Variants in MTHFD2L observed in about 807,000 individuals in gnomAD.
MTHFD2L encodes the protein bifunctional methylenetetrahydrofolate dehydrogenase/cyclohydrolase 2, mitochondrial.
A neutral mutation model predicts 34.9 loss-of-function variants in MTHFD2L; 29 were observed. That is an observed-to-expected ratio of 0.83 (90% CI 0.62 to 1.13). The LOEUF is 1.13. Among genes scored for constraint, MTHFD2L ranks in the 50% most tolerant of loss-of-function variants. MTHFD2L has a pLI of 0.00. For synonymous variants in MTHFD2L, 167 were observed against 155.7 expected (o/e 1.07, Z -0.54); for missense variants, 481 against 446.5 (o/e 1.08, Z -0.70).
chr4:74,260,303 G>C (rs903520495), intron 6 of MTHFD2L, among the ~76,000 whole-genome samples: 1 of 152,080 alleles, frequency 6.6e-6, no homozygotes, highest in African/African-American at 2.4e-5. Context: ...GTCAGCCCCC[G>C]GCTGTGAATC....
At chr4:74,117,107 A>G (rs948166739) in intron 2 of MTHFD2L, among the ~76,000 whole-genome samples, 2 of 152,192 alleles carry the variant, frequency 1.3e-5, no homozygotes, top group Non-Finnish European at 2.9e-5. Flanking sequence ...AAGGGATTTT[A>G]AAGGGAGATT....
intron 1 of MTHFD2L, among the ~76,000 whole-genome samples, chr4:74,151,250 C>T (rs927415294): frequency 6.6e-6 from 1 of 152,052 alleles, no homozygotes; most frequent in Non-Finnish European, 1.5e-5. Context: ...TGAAATAAAA[C>T]TTGGTAATCA....
At chr4:74,209,896 A>G (rs1032385377) in intron 5 of MTHFD2L, among the ~76,000 whole-genome samples, 1 of 152,148 alleles carries the variant, frequency 6.6e-6, no homozygotes, top group Non-Finnish European at 1.5e-5. Context: ...TCTAACTGGC[A>G]TGAGATTGGT....
chr4:74,253,143 A>G (rs1177616557), intron 6 of MTHFD2L, among the ~76,000 whole-genome samples: 1 of 152,176 alleles, frequency 6.6e-6, no homozygotes, highest in East Asian at 1.9e-4. Context: ...GCAATGAAGA[A>G]ATTTCCAGCT....
chr4:74,136,905 T>C (rs1333001060), intron 1 of MTHFD2L, among the ~76,000 whole-genome samples: 2 of 152,120 alleles, frequency 1.3e-5, no homozygotes, highest in Non-Finnish European at 2.9e-5. Context: ...CTGAGAAAAT[T>C]GGATAACTAT....
At chr4:74,211,402 G>A (rs942434843) in intron 5 of MTHFD2L, among the ~76,000 whole-genome samples, 11 of 152,136 alleles carry the variant, frequency 7.2e-5, no homozygotes, top group Non-Finnish European at 1.5e-5. Context: ...AAGGGGTGTT[G>A]AATTTTATTG....
chr4:74,227,500 G>T (rs1275986886), intron 6 of MTHFD2L, among the ~76,000 whole-genome samples: 1 of 150,898 alleles, frequency 6.6e-6, no homozygotes, highest in East Asian at 1.9e-4. Context: ...CATTCCTGGG[G>T]GAAGAGCATC....
chr4:74,219,530 C>A (rs1737786569), intron 5 of MTHFD2L, among the ~76,000 whole-genome samples: 1 of 151,956 alleles, frequency 6.6e-6, no homozygotes, highest in Non-Finnish European at 1.5e-5. Context: ...TAGTTGAAGA[C>A]AATTAATGGA....
At chr4:74,170,158 G>C (rs1727603425) in intron 1 of MTHFD2L, among the ~76,000 whole-genome samples, 1 of 152,116 alleles carries the variant, frequency 6.6e-6, no homozygotes, top group African/African-American at 2.4e-5. Context: ...TGGTATCAAA[G>C]CTACATGATA....
chr4:74,279,530 C>T (rs976051886), intron 6 of MTHFD2L, among the ~76,000 whole-genome samples: 1 of 152,038 alleles, frequency 6.6e-6, no homozygotes, highest in Non-Finnish European at 1.5e-5. Context: ...ATCAAGCTCA[C>T]ACTTTCCTCT....
intron 6 of MTHFD2L, among the ~76,000 whole-genome samples, chr4:74,232,083 T>C (rs1416402696): frequency 1.3e-5 from 2 of 152,198 alleles, no homozygotes; most frequent in African/African-American, 2.4e-5. Flanking sequence ...ATCAGTTGAT[T>C]ATTAAGCTAC....
intron 6 of MTHFD2L, among the ~76,000 whole-genome samples, chr4:74,263,234 C>T (rs897783018): frequency 2.6e-5 from 4 of 151,742 alleles, no homozygotes; most frequent in Non-Finnish European, 5.9e-5. Context: ...TAATGTAACC[C>T]TGTAAATATA....
intron 5 of MTHFD2L, among the ~76,000 whole-genome samples, chr4:74,222,831 C>T (rs1578521969): frequency 6.6e-6 from 1 of 151,916 alleles, no homozygotes; most frequent in Non-Finnish European, 1.5e-5. Context: ...CTATAAAATC[C>T]TTTACTCTCA....
chr4:74,281,272 G>A (rs1035136747), intron 6 of MTHFD2L, among the ~76,000 whole-genome samples, 153 bp from the exon 7 acceptor site: 7 of 151,520 alleles, frequency 4.6e-5, no homozygotes, highest in Admixed American at 2.0e-4. Flanking sequence ...TTATTCTCTC[G>A]GATCAGAAAT....
At chr4:74,205,259 G>A (rs565598831) in intron 5 of MTHFD2L, among the ~76,000 whole-genome samples, 3 of 152,238 alleles carry the variant, frequency 2.0e-5, no homozygotes, top group East Asian at 3.9e-4. Flanking sequence ...TCAAACATGC[G>A]TGTCTGTTAG....
intron 6 of MTHFD2L, among the ~76,000 whole-genome samples, chr4:74,227,898 T>C (rs1340832661): frequency 6.6e-6 from 1 of 152,140 alleles, no homozygotes; most frequent in African/African-American, 2.4e-5. Context: ...GGTCTAGATT[T>C]TGCTCTAATT....
At chr4:74,156,320 T>C (rs1724252849), upstream of MTHFD2L, among the ~76,000 whole-genome samples, 1 of 152,176 alleles carries the variant, frequency 6.6e-6, no homozygotes, top group Non-Finnish European at 1.5e-5. Context: ...TGCCATATAA[T>C]AAAAATCATG....
intron 6 of MTHFD2L, among the ~76,000 whole-genome samples, chr4:74,250,871 A>G (rs1033296435): frequency 6.6e-6 from 1 of 151,924 alleles, no homozygotes; most frequent in African/African-American, 2.4e-5. Context: ...CCAACTGCGC[A>G]CTCCATTTTA....
At chr4:74,149,832 T>C (rs1276561704) in intron 1 of MTHFD2L, among the ~76,000 whole-genome samples, 1 of 152,254 alleles carries the variant, frequency 6.6e-6, no homozygotes. Flanking sequence ...ATATCCTAGG[T>C]TTCAAAACTT....
Sources: gnomAD v4.1 joint callset for allele counts (sites outside exome capture counted in the v4.1 genomes callset) on GRCh38, gnomAD v4.1.1 for gene constraint, MANE v1.5 for transcripts, NCBI Gene and HGNC (gene_info 2026-07-23, HGNC 2026-07-21) for gene names.